The following PXDNL variants were observed in gnomAD, a reference collection of about 807,000 sequenced individuals.
The protein encoded by PXDNL is probable oxidoreductase PXDNL.
Under a neutral mutation model 150.8 loss-of-function variants are expected in PXDNL, and 145 were observed. The ratio of observed to expected loss-of-function variants is 0.96; its 90% CI spans 0.84 to 1.10. The LOEUF (loss-of-function observed/expected upper bound fraction) is 1.10, where lower values mean the gene tolerates loss of function less well. Ranked by LOEUF, PXDNL falls within the 50% of genes least tolerant of loss-of-function variation. The pLI is 0.00. For missense variants in PXDNL, 2,087 were observed against 1,873.9 expected, an observed-to-expected ratio of 1.11 and a Z score of -2.10; for synonymous variants, 757 against 725.7, an observed-to-expected ratio of 1.04 and a Z score of -0.69.
chr8:51,520,179 C>T (rs1030146030), intron 4 of PXDNL, among the ~76,000 whole-genome samples: 1 of 152,146 alleles, frequency 6.6e-6, no homozygotes, highest in South Asian at 2.1e-4. Flanking sequence ...GCTGTCTGCC[C>T]AGGCCCTGCT....
chr8:51,465,681 A>G (rs769949610), intron 8 of PXDNL, among the ~76,000 whole-genome samples: 1 of 152,204 alleles, frequency 6.6e-6, no homozygotes, highest in Non-Finnish European at 1.5e-5. Context: ...CCTAGAACTG[A>G]TAAAGGATTT....
At chr8:51,660,538 C>T (rs563223146) in intron 1 of PXDNL, among the ~76,000 whole-genome samples, 95 of 152,246 alleles carry the variant, frequency 6.2e-4, no homozygotes, top group Non-Finnish European at 9.8e-4. Flanking sequence ...TTTCTGTTTG[C>T]GTGTGGTACT....
At chr8:51,651,856 C>T (rs1273541607) in intron 2 of PXDNL, among the ~76,000 whole-genome samples, 1 of 152,162 alleles carries the variant, frequency 6.6e-6, no homozygotes, top group Non-Finnish European at 1.5e-5. Flanking sequence ...AGAGCTCTGC[C>T]AGGCACCACT....
At chr8:51,757,512 T>C (rs2037115033) in intron 1 of PXDNL, among the ~76,000 whole-genome samples, 1 of 152,236 alleles carries the variant, frequency 6.6e-6, no homozygotes. Context: ...TTTTGATCAG[T>C]ATTTCAACCT....
At chr8:51,414,392 T>C (rs1446790019) in intron 14 of PXDNL, among the ~76,000 whole-genome samples, 1 of 151,806 alleles carries the variant, frequency 6.6e-6, no homozygotes, top group Non-Finnish European at 1.5e-5. Flanking sequence ...CATAAAATAA[T>C]TTTAAGAAAA....
intron 4 of PXDNL, among the ~76,000 whole-genome samples, chr8:51,515,076 C>T (rs192148890): frequency 4.7e-4 from 72 of 152,316 alleles, no homozygotes; most frequent in African/African-American, 1.6e-3. Flanking sequence ...AGGCTGCGTC[C>T]TCGCCAGAGC....
chr8:51,438,161 A>G (rs975805844), intron 12 of PXDNL, among the ~76,000 whole-genome samples: 5 of 152,236 alleles, frequency 3.3e-5, no homozygotes, highest in Non-Finnish European at 5.9e-5. Flanking sequence ...GAAAGAAATC[A>G]TAGATGACAC....
intron 21 of PXDNL, among the ~76,000 whole-genome samples, chr8:51,322,062 C>T (rs1805336605): frequency 6.6e-6 from 1 of 152,116 alleles, no homozygotes; most frequent in African/African-American, 2.4e-5. Context: ...ACAGCGAAGG[C>T]CATGTGAGGA....
At chr8:51,460,887 C>T (rs2130021532) in intron 8 of PXDNL, among the ~76,000 whole-genome samples, 1 of 152,296 alleles carries the variant, frequency 6.6e-6, no homozygotes, top group South Asian at 2.1e-4. Context: ...TGCTCTGAGT[C>T]ACTCCAGCCC....
At chr8:51,498,047 A>G (rs1811097134) in intron 5 of PXDNL, among the ~76,000 whole-genome samples, 1 of 152,096 alleles carries the variant, frequency 6.6e-6, no homozygotes, top group South Asian at 2.1e-4. Flanking sequence ...TCCAACAATG[A>G]TAGACTGGAT....
intron 3 of PXDNL, among the ~76,000 whole-genome samples, chr8:51,565,020 G>A (rs1812788204): frequency 6.6e-6 from 1 of 151,820 alleles, no homozygotes; most frequent in South Asian, 2.1e-4. Flanking sequence ...AATAGGGATG[G>A]AGAGAGGGGA....
intron 5 of PXDNL, among the ~76,000 whole-genome samples, chr8:51,499,434 G>C (rs1387343076): frequency 6.6e-6 from 1 of 152,102 alleles, no homozygotes; most frequent in Non-Finnish European, 1.5e-5. Context: ...CCTGACCCCT[G>C]ATGTAAGTTT....
chr8:51,480,490 C>A (rs12542074), intron 6 of PXDNL, among the ~76,000 whole-genome samples: 22,379 of 152,114 alleles, frequency 0.15, 1,766 homozygotes, highest in Middle Eastern at 0.25. Flanking sequence ...CAGCACCCAG[C>A]CAGGAAGGAT....
chr8:51,623,512 T>G (rs1042353262), intron 2 of PXDNL, among the ~76,000 whole-genome samples: 23 of 152,226 alleles, frequency 1.5e-4, no homozygotes, highest in African/African-American at 5.1e-4. Context: ...GCATGTGTAT[T>G]TGGCACATTA....
At chr8:51,689,011 C>T (rs1054901621) in intron 1 of PXDNL, among the ~76,000 whole-genome samples, 1 of 152,180 alleles carries the variant, frequency 6.6e-6, no homozygotes, top group Non-Finnish European at 1.5e-5. Flanking sequence ...TCCCTTGCCA[C>T]GCCATTAGGA....
intron 17 of PXDNL, among the ~76,000 whole-genome samples, chr8:51,391,092 T>C (rs1196293121): frequency 6.6e-6 from 1 of 152,262 alleles, no homozygotes; most frequent in Non-Finnish European, 1.5e-5. Flanking sequence ...TTGTTATGGC[T>C]GCATAGTATT....
intron 1 of PXDNL, among the ~76,000 whole-genome samples, chr8:51,704,033 T>G (rs1338014137): frequency 6.6e-6 from 1 of 152,202 alleles, no homozygotes; most frequent in African/African-American, 2.4e-5. Context: ...CTCATGGCAT[T>G]GCCTATAAAA....
At chr8:51,568,248 C>A (rs985662281) in intron 3 of PXDNL, among the ~76,000 whole-genome samples, 13 of 151,802 alleles carry the variant, frequency 8.6e-5, no homozygotes, top group Admixed American at 7.2e-4. Context: ...AGATCTACAT[C>A]ATTTCCCTTC....
intron 1 of PXDNL, among the ~76,000 whole-genome samples, chr8:51,771,513 C>A (rs1411374427): frequency 1.3e-5 from 2 of 152,180 alleles, no homozygotes; most frequent in Non-Finnish European, 2.9e-5. Context: ...TGCTCCCTGA[C>A]CAGCAGTCCT....
Sources: allele counts gnomAD v4.1 joint callset (sites outside exome capture counted in the v4.1 genomes callset), GRCh38; gene constraint gnomAD v4.1.1; transcripts MANE v1.5; gene names NCBI Gene and HGNC (gene_info 2026-07-23, HGNC 2026-07-21).